MTA1: variants seen among roughly 807,000 people sequenced by gnomAD.
MTA1 encodes the protein metastasis-associated protein MTA1.
MTA1 carries 15 observed loss-of-function variants against 97.0 expected under a neutral mutation model. That is an observed-to-expected ratio of 0.15 (90% CI 0.10 to 0.24). The LOEUF is 0.24. Ranked by LOEUF, MTA1 falls within the 10% of genes least tolerant of loss-of-function variation. The pLI, the probability that MTA1 is intolerant of heterozygous loss-of-function variation, is 1.00. For missense variants in MTA1, 709 were observed against 1,015.1 expected, an observed-to-expected ratio of 0.70 and a Z score of 4.10; for synonymous variants, 435 against 417.5, an observed-to-expected ratio of 1.04 and a Z score of -0.51.
chr14:105,463,580 CGTG>C lies in MTA1; in HGVS notation c.1076+31_1076+33del. The C allele has an allele frequency of 1.9e-6, 3 of 1,611,010 alleles. No individual in the cohort carries two copies. The highest frequency in any genetic ancestry group is 2.5e-6 in the Non-Finnish European group (3 of 1,178,426). ...AGTGTGCCCTCACAGCCGTCGTCCT[CGTG>C]GCCCCGGGGGCCAGGGAGGGTGGGC... On this transcript the variant is annotated intron_variant, in intron 12 of 20. Coordinates refer to ENST00000331320, the MANE Select transcript of MTA1 (RefSeq NM_004689.4). This position sits in a 1 kb window ranked among gnomAD's most constrained non-coding sequence, Gnocchi z 5.9.
rs1012632046 is a variant in MTA1, at chr14:105,463,921, C to T, written c.1077-111C>T. 6.0e-6 allele frequency: 6 copies of T among 1,001,014 alleles called. No homozygotes were observed. The highest frequency in any genetic ancestry group is 3.9e-5 in the South Asian group (3 of 76,286). 62.0% of individuals were successfully genotyped at this position (1,001,014 alleles called of 1,614,324 possible). ...AGATCCCTGCCGAGGCCGAGGGGTG[C>T]GAGGACGTGGTTCTGGACAAGGGGT... On this transcript the variant is annotated intron_variant, in intron 12 of 20. Coordinates refer to ENST00000331320, the MANE Select transcript of MTA1 (RefSeq NM_004689.4). The surrounding 1 kb of genome is among the most constrained non-coding windows in gnomAD (Gnocchi z 5.9).
At position 105,422,493 on chromosome 14, in the gene MTA1, G is replaced by A. The variant is rs587694053; in HGVS notation, c.28+2430G>A. Among the ~76,000 whole-genome samples the A allele has an allele frequency of 2.9e-3, 439 of 152,300 alleles. 2 individuals are homozygous for A. Among genetic ancestry groups the A allele is most frequent in the Non-Finnish European group, 3.9e-3 (263 of 68,016 alleles). ...TGCCGGCAGGGACCCAGCCTGGGAA[G>A]GGGCTTGCTCCTGTGCCCCCCCACC... On this transcript the variant is annotated intron_variant, in intron 1 of 20. Transcript: ENST00000331320. The surrounding 1 kb of genome is among the most constrained non-coding windows in gnomAD (Gnocchi z 4.3).
Position 105,420,931 on chromosome 14 carries a change from G to T in MTA1, c.28+868G>T, listed in dbSNP as rs587765564. 6.6e-6 allele frequency among the ~76,000 whole-genome samples: 1 copy of T among 152,268 alleles called. No homozygotes were observed. The highest frequency in any genetic ancestry group is 2.1e-4 in the South Asian group (1 of 4,828). On this transcript the variant is annotated intron_variant, in intron 1 of 20. Transcript: ENST00000331320. The surrounding 1 kb of genome is among the most constrained non-coding windows in gnomAD (Gnocchi z 5.3). ...CCCTGCCTGTGACCCTCTCGGGCAG[G>T]TGCTCATTACCTTTCCCACCTGCAG...
rs782650918 is a variant in MTA1, at chr14:105,454,328, G to A, written c.550+18G>A. On this transcript the variant is annotated intron_variant, in intron 7 of 20. Transcript: ENST00000331320. Reference sequence around the variant, plus strand: ...AAAAGAAGGTAGGGTGGGCCGCCCTGGGCATGGAGCCCTCTGTCCTGTCCT... The same window carrying A: ...AAAAGAAGGTAGGGTGGGCCGCCCTAGGCATGGAGCCCTCTGTCCTGTCCT... 35 of 1,569,748 alleles carry A rather than the reference G, an allele frequency of 2.2e-5. No homozygotes were observed. Among genetic ancestry groups the A allele is most frequent in the Non-Finnish European group, 2.8e-5 (32 of 1,140,632 alleles).
intron 1 of MTA1, among the ~76,000 whole-genome samples, chr14:105,435,934 G>A (rs1459733871): frequency 6.6e-6 from 1 of 152,000 alleles, no homozygotes; most frequent in Non-Finnish European, 1.5e-5. Flanking sequence ...TTGTTTCTTT[G>A]TCAGTCTGGC....
chr14:105,430,664 G>A (rs1263531897), intron 1 of MTA1, among the ~76,000 whole-genome samples: 1 of 152,170 alleles, frequency 6.6e-6, no homozygotes, highest in Non-Finnish European at 1.5e-5. Flanking sequence ...TGATGCCCGT[G>A]TAGATGTTTG....
intron 1 of MTA1, among the ~76,000 whole-genome samples, chr14:105,432,862 C>T (rs1178218130): frequency 1.3e-5 from 2 of 152,182 alleles, no homozygotes; most frequent in African/African-American, 2.4e-5. Context: ...TGGGCTCACA[C>T]TGTGGTTACA....
intron 13 of MTA1, 95 bp from the exon 14 acceptor site, chr14:105,464,321 C>T (rs1358735523): frequency 3.4e-5 from 31 of 903,598 alleles, no homozygotes; most frequent in East Asian, 5.8e-5. Context: ...GGGTGCCTGG[C>T]GGGTGGGGGC....
At chr14:105,421,901 G>A (rs370377720) in intron 1 of MTA1, among the ~76,000 whole-genome samples, 2 of 152,210 alleles carry the variant, frequency 1.3e-5, no homozygotes, top group South Asian at 2.1e-4. Flanking sequence ...ACTGACCCAC[G>A]CACTCCAGTG....
rs587656396 is a variant in MTA1, at chr14:105,470,259, A to G, written c.*44A>G. ...GCCGCCCCCCGCCCCTCGCCCGCCC[A>G]CACGGCCCCTTCCCAGCCAGCCCGC... On this transcript the variant is annotated 3_prime_UTR_variant, in exon 21 of 21. Transcript: ENST00000331320. 2 of 1,065,208 alleles carry G rather than the reference A, an allele frequency of 1.9e-6. No homozygotes were observed. The highest frequency in any genetic ancestry group is 7.7e-5 in the East Asian group (1 of 12,980). 66.0% of individuals were successfully genotyped at this position (1,065,208 alleles called of 1,614,324 possible).
chr14:105,453,497 G>A (rs1233946375), intron 6 of MTA1, among the ~76,000 whole-genome samples: 1 of 151,452 alleles, frequency 6.6e-6, no homozygotes, highest in African/African-American at 2.4e-5. Context: ...GCGACGGAGC[G>A]AGACCATGTT....
rs113268229 is a variant in MTA1 at position 105,420,466 on chromosome 14, C to A, written c.28+403C>A. On this transcript the variant is annotated intron_variant, in intron 1 of 20. Transcript: ENST00000331320. The surrounding 1 kb of genome is among the most constrained non-coding windows in gnomAD (Gnocchi z 5.3). The stretch of plus-strand genomic sequence containing the variant: ...TTTGGGGCTGTGGGGTCTCCCCCGG[C>A]CCGCGGCCCTGTGCTGGGACTCCGG... Among the ~76,000 whole-genome samples, 1 of 152,108 alleles carries A rather than the reference C, an allele frequency of 6.6e-6. No homozygotes were observed. The highest frequency in any genetic ancestry group is 6.5e-5 in the Admixed American group (1 of 15,284).
intron 1 of MTA1, 57 bp from the exon 2 acceptor site, chr14:105,438,614 TG>T: frequency 6.6e-7 from 1 of 1,523,428 alleles, no homozygotes. Context: ...CCACGGGAGG[TG>T]GGACTGGGTC....
At position 105,463,660 on chromosome 14, in the gene MTA1, G is replaced by C; in HGVS notation, c.1076+109G>C. The C allele has an allele frequency of 8.6e-7, 1 of 1,161,340 alleles. No individual in the cohort carries two copies. The highest frequency in any genetic ancestry group is 1.3e-6 in the Non-Finnish European group (1 of 792,534). The allele number at this position is 1,161,340 out of a possible 1,614,324, so 71.9% of individuals were successfully genotyped here. ...CAAGGAAACTCAAGCTCAGAGGCTGGGAAAGTTGGGGCAGCCCCCGGGAGG... is the reference window on the plus strand; with the variant it reads ...CAAGGAAACTCAAGCTCAGAGGCTGCGAAAGTTGGGGCAGCCCCCGGGAGG... On this transcript the variant is annotated intron_variant, in intron 12 of 20. Transcript: ENST00000331320. The surrounding 1 kb of genome is among the most constrained non-coding windows in gnomAD (Gnocchi z 5.9).
At chr14:105,435,576 G>C (rs1460268643) in intron 1 of MTA1, among the ~76,000 whole-genome samples, 4 of 152,206 alleles carry the variant, frequency 2.6e-5, no homozygotes, top group African/African-American at 9.7e-5. Context: ...GGGCAATGGC[G>C]TTCTCACTGT....
Position 105,470,047 on chromosome 14 carries a change from C to A in MTA1, c.1998-18C>A. 3 of 1,612,598 alleles carry A rather than the reference C, an allele frequency of 1.9e-6. No homozygotes were observed. Among genetic ancestry groups the A allele is most frequent in the Non-Finnish European group, 2.5e-6 (3 of 1,179,864 alleles). ...CTCCGCACAGCGTCCCGGCCCTCAC[C>A]ACCACCTCTGCCCACAGGAAGATCC... is the stretch of plus-strand genomic sequence containing the variant. On this transcript the variant is annotated intron_variant, in intron 20 of 20. Transcript: ENST00000331320.
At chr14:105,454,092 G>A in intron 6 of MTA1, 101 bp from the exon 7 acceptor site, 1 of 854,540 alleles carries the variant, frequency 1.2e-6, no homozygotes, top group Non-Finnish European at 1.9e-6. Context: ...CAAGAGCTCT[G>A]GGCAAGACCC....
At chr14:105,461,034 C>T (rs2083328688) in intron 10 of MTA1, 81 bp downstream of exon 10, 3 of 1,418,912 alleles carry the variant, frequency 2.1e-6, no homozygotes, top group Admixed American at 3.8e-5. Context: ...GCTCCACATC[C>T]CACTCTGCCC....
chr14:105,441,611 G>A lies in MTA1; in HGVS notation c.96+2872G>A, dbSNP rs992495149. ...AGATCGAGACCATCCTGGCTAATAC[G>A]GTGAAACTCCGTCTCTACTAAAAAT... is the stretch of plus-strand genomic sequence containing the variant. On this transcript the variant is annotated intron_variant, in intron 2 of 20. Transcript: ENST00000331320. 3.3e-5 allele frequency among the ~76,000 whole-genome samples: 5 copies of A among 152,148 alleles called. No individual in the cohort carries two copies. The South Asian group carries it at 6.2e-4, about 19-fold the overall frequency.
Sources: allele counts gnomAD v4.1 joint callset (sites outside exome capture counted in the v4.1 genomes callset), GRCh38; gene constraint gnomAD v4.1.1; non-coding constraint Gnocchi (gnomAD v3.1); transcripts MANE v1.5; gene names NCBI Gene and HGNC (gene_info 2026-07-23, HGNC 2026-07-21).